Variants in UBR3 observed in about 807,000 individuals in gnomAD.
UBR3 encodes the protein ubiquitin protein ligase E3 component n-recognin 3, also known as E3 ubiquitin-protein ligase UBR3.
In UBR3, 85 loss-of-function variants were observed where a neutral mutation model predicts 243.2. That is an observed-to-expected ratio of 0.35 (90% confidence interval 0.29 to 0.42). The LOEUF is 0.42. UBR3 is among the 10% of genes least tolerant of loss of function. The pLI is 1.00. For synonymous variants in UBR3, 748 were observed against 799.8 expected (o/e 0.94, Z 1.09); for missense variants, 1,686 against 2,300.8 (o/e 0.73, Z 5.47).
At chr2:169,942,414 T>C (rs1299672703) in intron 19 of UBR3, 79 bp from the exon 20 acceptor site, 22 of 1,354,426 alleles carry the variant, frequency 1.6e-5, no homozygotes, top group Non-Finnish European at 1.7e-5. Flanking sequence ...TGACAGAAAT[T>C]GGTGTCTATA....
At chr2:169,941,770 C>T (rs1366356922) in intron 19 of UBR3, among the ~76,000 whole-genome samples, 2 of 152,050 alleles carry the variant, frequency 1.3e-5, no homozygotes, top group Non-Finnish European at 1.5e-5. Flanking sequence ...GAACGTGTTC[C>T]CTGAAGATAA....
At chr2:169,997,912 A>G (rs543095158) in intron 26 of UBR3, among the ~76,000 whole-genome samples, 9 of 152,196 alleles carry the variant, frequency 5.9e-5, no homozygotes, top group Non-Finnish European at 1.0e-4. Flanking sequence ...CACTCCAGTC[A>G]TGGATTCTAC....
intron 8 of UBR3, among the ~76,000 whole-genome samples, chr2:169,904,443 G>A (rs1382045070): frequency 1.3e-5 from 2 of 152,138 alleles, no homozygotes; most frequent in Non-Finnish European, 2.9e-5. Flanking sequence ...AGGTTAAAGA[G>A]AGTGAATGCA....
chr2:170,055,251 T>C (rs917572222), intron 32 of UBR3, among the ~76,000 whole-genome samples: 6 of 152,124 alleles, frequency 3.9e-5, no homozygotes, highest in African/African-American at 9.7e-5. Context: ...GGTCGAGGCT[T>C]CAGTAAACTG....
intron 10 of UBR3, among the ~76,000 whole-genome samples, chr2:169,913,667 T>TGAA (rs1343402633): frequency 6.6e-6 from 1 of 152,186 alleles, no homozygotes; most frequent in Non-Finnish European, 1.5e-5. Context: ...TTTACAGAGT[T>TGAA]GTACAACTGT....
At chr2:169,958,610 A>G in intron 24 of UBR3, 84 bp downstream of exon 24, 2 of 1,209,238 alleles carry the variant, frequency 1.7e-6, no homozygotes, top group African/African-American at 1.5e-5. Context: ...TACTAATTTA[A>G]AACATTACAC....
At chr2:170,047,200 G>T (rs55949685) in intron 32 of UBR3, among the ~76,000 whole-genome samples, 1 of 148,168 alleles carries the variant, frequency 6.7e-6, no homozygotes, top group South Asian at 2.1e-4. Context: ...TGTCGGGGGG[G>T]GGGTCTCACT....
chr2:169,867,387 C>T (rs1052901464), intron 1 of UBR3, among the ~76,000 whole-genome samples: 2 of 152,184 alleles, frequency 1.3e-5, no homozygotes, highest in Middle Eastern at 3.4e-3. Context: ...TTGTAAAAAT[C>T]AAAATATGTT....
chr2:169,939,455 G>C (rs1177970729), intron 19 of UBR3, among the ~76,000 whole-genome samples: 1 of 146,226 alleles, frequency 6.8e-6, no homozygotes, highest in Non-Finnish European at 1.5e-5. Context: ...TTTTAGTAGA[G>C]ACAGGCCTTC....
At chr2:169,905,880 A>T (rs926001943) in intron 9 of UBR3, 151 bp from the exon 10 acceptor site, 9 of 815,526 alleles carry the variant, frequency 1.1e-5, no homozygotes, top group Non-Finnish European at 1.5e-5. Flanking sequence ...AGATTGTTTC[A>T]TTTTTAGTAA....
chr2:170,077,048 A>G (rs1243511700), intron 36 of UBR3, among the ~76,000 whole-genome samples: 4 of 152,248 alleles, frequency 2.6e-5, no homozygotes, highest in African/African-American at 4.8e-5. Context: ...AGAGTCCGGA[A>G]TAGCAGTGAA....
chr2:170,059,400 T>G (rs976873528), intron 33 of UBR3, among the ~76,000 whole-genome samples: 1 of 152,200 alleles, frequency 6.6e-6, no homozygotes, highest in Non-Finnish European at 1.5e-5. Flanking sequence ...TAGACTGAAT[T>G]GTACATTTAG....
rs751927762 is a variant in UBR3 at position 169,905,250 on chromosome 2, C to T, written c.1602C>T (p.His534=). 34 of 1,541,806 alleles carry T rather than the reference C, an allele frequency of 2.2e-5. No homozygotes were observed. The highest frequency in any genetic ancestry group is 1.2e-4 in the South Asian group (10 of 81,448). ...QSVAKRFLED[H]GLLVTWMNFV... Reference sequence around the variant, plus strand: ...TGGCCAAGAGATTTTTGGAGGATCACGGTTTGTTAGTTACATGGATGAACT... The same window carrying T: ...TGGCCAAGAGATTTTTGGAGGATCATGGTTTGTTAGTTACATGGATGAACT... Residue 534 remains histidine, a synonymous_variant, in exon 9 of 39, where the codon CAC becomes CAT. Coordinates refer to ENST00000272793, the MANE Select transcript of UBR3 (RefSeq NM_172070.4).
intron 13 of UBR3, among the ~76,000 whole-genome samples, chr2:169,925,292 T>G (rs965371497): frequency 2.0e-5 from 3 of 152,170 alleles, no homozygotes; most frequent in Non-Finnish European, 4.4e-5. Flanking sequence ...TGTTGTTACT[T>G]AGGGTTTTCT....
At chr2:169,885,847 C>A (rs903860499) in intron 5 of UBR3, among the ~76,000 whole-genome samples, 1 of 151,890 alleles carries the variant, frequency 6.6e-6, no homozygotes, top group African/African-American at 2.4e-5. Flanking sequence ...ATCAGAGATA[C>A]TTTTCATAAG....
At chr2:170,079,450 AC>A (rs2091870207) in intron 36 of UBR3, among the ~76,000 whole-genome samples, 1 of 152,228 alleles carries the variant, frequency 6.6e-6, no homozygotes, top group Non-Finnish European at 1.5e-5. Flanking sequence ...TTTAAAAAAT[AC>A]GTAACTTTTA....
intron 11 of UBR3, among the ~76,000 whole-genome samples, chr2:169,922,086 A>G (rs2085722971): frequency 6.6e-6 from 1 of 151,998 alleles, no homozygotes; most frequent in Non-Finnish European, 1.5e-5. Context: ...CAGGAGTTCG[A>G]GAGCAGTCTG....
intron 11 of UBR3, among the ~76,000 whole-genome samples, chr2:169,918,869 G>T (rs1227681953): frequency 6.6e-6 from 1 of 152,176 alleles, no homozygotes; most frequent in African/African-American, 2.4e-5. Context: ...AGGGGATACA[G>T]TGATAAAACA....
At chr2:170,000,755 T>G (rs16857379) in intron 26 of UBR3, among the ~76,000 whole-genome samples, 7,798 of 152,184 alleles carry the variant, frequency 0.051, 390 homozygotes, top group African/African-American at 0.13. Context: ...AAAAATAGTT[T>G]TAATGAGAAG....
Sources: allele counts gnomAD v4.1 joint callset (sites outside exome capture counted in the v4.1 genomes callset), GRCh38; gene constraint gnomAD v4.1.1; transcripts MANE v1.5; gene names NCBI Gene and HGNC (gene_info 2026-07-23, HGNC 2026-07-21).